DOCK2: variants seen among roughly 807,000 people sequenced by gnomAD.
DOCK2 encodes the protein dedicator of cytokinesis protein 2.
Under a neutral mutation model 248.9 loss-of-function variants are expected in DOCK2, and 87 were observed. The observed-to-expected ratio is 0.35, with a 90% CI of 0.29 to 0.42. The LOEUF (loss-of-function observed/expected upper bound fraction) is 0.42, where lower values mean the gene tolerates loss of function less well. DOCK2 is among the 10% of genes least tolerant of loss of function. The pLI is 1.00. For synonymous variants in DOCK2, 805 were observed against 821.6 expected (o/e 0.98, Z 0.35); for missense variants, 1,747 against 2,300.2 (o/e 0.76, Z 4.92).
chr5:169,948,483 A>G (rs1169620044), intron 27 of DOCK2, among the ~76,000 whole-genome samples: 3 of 151,620 alleles, frequency 2.0e-5, no homozygotes, highest in East Asian at 1.9e-4. Context: ...CTCTCTCTCT[A>G]TCTGTATATC....
intron 22 of DOCK2, among the ~76,000 whole-genome samples, chr5:169,742,325 A>C (rs1318701695): frequency 6.6e-6 from 1 of 152,176 alleles, no homozygotes; most frequent in African/African-American, 2.4e-5. Flanking sequence ...CTTTATGTGC[A>C]TTGTTTGATT....
intron 6 of DOCK2, among the ~76,000 whole-genome samples, chr5:169,675,194 A>G (rs1759263343): frequency 6.6e-6 from 1 of 152,208 alleles, no homozygotes; most frequent in Non-Finnish European, 1.5e-5. Context: ...CAGAATCTGA[A>G]CTTAGACCCA....
intron 27 of DOCK2, among the ~76,000 whole-genome samples, chr5:169,937,888 C>T (rs1776066547): frequency 6.6e-6 from 1 of 152,214 alleles, no homozygotes; most frequent in South Asian, 2.1e-4. Flanking sequence ...TCCCTTTCTC[C>T]ATTCTGCCTT....
intron 27 of DOCK2, among the ~76,000 whole-genome samples, chr5:169,930,001 T>C (rs927933065): frequency 6.6e-6 from 1 of 152,184 alleles, no homozygotes; most frequent in Admixed American, 6.5e-5. Flanking sequence ...ATTTATTTTG[T>C]TTATTTTTGA....
rs1386898292 is a variant in DOCK2 at position 169,907,513 on chromosome 5, A to G, written c.2799+66661A>G. 2.0e-5 allele frequency among the ~76,000 whole-genome samples: 3 copies of G among 152,232 alleles called. No individual in the cohort carries two copies. The East Asian group carries it at 5.8e-4, about 29-fold the overall frequency. ...GTCAAAGTAGTTAATGATAATGGTAACCACCACTTAGCGAAGACTAGTTGC... is the reference window on the plus strand; with the variant it reads ...GTCAAAGTAGTTAATGATAATGGTAGCCACCACTTAGCGAAGACTAGTTGC... On this transcript the variant is annotated intron_variant, in intron 27 of 51. Transcript: ENST00000520908.
At chr5:169,908,754 G>T (rs1314954545) in intron 27 of DOCK2, among the ~76,000 whole-genome samples, 3 of 125,458 alleles carry the variant, frequency 2.4e-5, no homozygotes, top group Admixed American at 1.0e-4. Flanking sequence ...TCACTCTGTC[G>T]CCCAGGATAG....
chr5:169,672,655 T>G (rs548127749), intron 5 of DOCK2, among the ~76,000 whole-genome samples: 9 of 152,250 alleles, frequency 5.9e-5, no homozygotes, highest in Non-Finnish European at 1.3e-4. Flanking sequence ...CTCCATGGGT[T>G]TAAAGCCTCA....
intron 9 of DOCK2, among the ~76,000 whole-genome samples, chr5:169,694,196 G>A (rs1760470366): frequency 6.6e-6 from 1 of 152,206 alleles, no homozygotes; most frequent in Non-Finnish European, 1.5e-5. Context: ...CCTTGGTCCT[G>A]GATCTGATGT....
chr5:169,839,992 A>G (rs775722422), intron 26 of DOCK2, among the ~76,000 whole-genome samples: 24 of 152,230 alleles, frequency 1.6e-4, no homozygotes, highest in Non-Finnish European at 2.8e-4. Context: ...CAAGGATTAG[A>G]AAAGTTAATA....
chr5:169,717,091 T>G (rs1468708936), intron 20 of DOCK2, among the ~76,000 whole-genome samples: 3 of 152,138 alleles, frequency 2.0e-5, no homozygotes, highest in African/African-American at 7.2e-5. Context: ...ACAATGTACA[T>G]AAGTATATTA....
intron 30 of DOCK2, among the ~76,000 whole-genome samples, chr5:170,005,748 T>A (rs982138586): frequency 2.6e-5 from 4 of 152,122 alleles, no homozygotes; most frequent in African/African-American, 9.7e-5. Context: ...AGATTTTTTT[T>A]TAAAAAAAAG....
intron 41 of DOCK2, among the ~76,000 whole-genome samples, chr5:170,052,668 G>T (rs1298892885): frequency 6.6e-6 from 1 of 152,172 alleles, no homozygotes; most frequent in Non-Finnish European, 1.5e-5. Context: ...TGATCTGTCT[G>T]TTTCAAAAAC....
intron 27 of DOCK2, among the ~76,000 whole-genome samples, chr5:169,886,268 G>GT (rs1389997768): frequency 6.6e-6 from 1 of 152,172 alleles, no homozygotes; most frequent in Admixed American, 6.5e-5. Flanking sequence ...GAAGAGCAGG[G>GT]TTGGCTTCTG....
intron 27 of DOCK2, among the ~76,000 whole-genome samples, chr5:169,946,447 G>A (rs564665146): frequency 3.7e-4 from 56 of 152,356 alleles, no homozygotes; most frequent in Middle Eastern, 3.4e-3. Flanking sequence ...TGGGAGGAAA[G>A]GGCAGGAGTG....
Position 169,714,159 on chromosome 5 carries a change from G to C in DOCK2, c.1791G>C (p.Arg597=), listed in dbSNP as rs1761747290. The C allele has an allele frequency of 6.2e-7, 1 of 1,613,550 alleles. No individual in the cohort carries two copies. Among genetic ancestry groups the C allele is most frequent in the African/African-American group, 1.3e-5 (1 of 75,014 alleles). The change falls in exon 18 of 52, where the codon CGG becomes CGC. Residue 597 remains arginine, a synonymous_variant. Transcript: ENST00000520908. ...SSVGGLSVSS[R]DVFSISTLVC... is the part of the protein sequence containing the mutation. The stretch of plus-strand genomic sequence containing the variant: ...TTGGGGGGCTTTCTGTCAGCTCCCG[G>C]GATGTGTTCTCCATTTCCACCCTGG...
At chr5:169,896,289 G>A (rs886571223) in intron 27 of DOCK2, among the ~76,000 whole-genome samples, 43 of 152,284 alleles carry the variant, frequency 2.8e-4, no homozygotes, top group African/African-American at 9.9e-4. Flanking sequence ...CTGAAGTACC[G>A]GGACCCCTTA....
intron 9 of DOCK2, chr5:169,695,490 A>C (rs1278576047): frequency 4.4e-6 from 1 of 224,916 alleles, no homozygotes; most frequent in Non-Finnish European, 8.7e-6. Context: ...TCACCTCGGC[A>C]TATGGGGAAT....
At chr5:169,862,009 G>C (rs1298829108) in intron 27 of DOCK2, among the ~76,000 whole-genome samples, 3 of 151,362 alleles carry the variant, frequency 2.0e-5, no homozygotes, top group Admixed American at 6.6e-5. Flanking sequence ...ATTCAGTTAA[G>C]GGTTCATGTG....
rs192961702 is a variant in DOCK2 at position 169,879,605 on chromosome 5, A to C, written c.2799+38753A>C. On this transcript the variant is annotated intron_variant, in intron 27 of 51. Coordinates refer to ENST00000520908, the MANE Select transcript of DOCK2 (RefSeq NM_004946.3). ...GCTAACCCAACCAGGGGTGTAACTTAATTTAGAATGTTTGCTGGAGATGTT... is the reference window on the plus strand; with the variant it reads ...GCTAACCCAACCAGGGGTGTAACTTCATTTAGAATGTTTGCTGGAGATGTT... 2.8e-4 allele frequency among the ~76,000 whole-genome samples: 42 copies of C among 152,274 alleles called. No homozygotes were observed. The Middle Eastern group carries it at 0.014, about 49-fold the overall frequency.
Sources: allele counts gnomAD v4.1 joint callset (sites outside exome capture counted in the v4.1 genomes callset), GRCh38; gene constraint gnomAD v4.1.1; transcripts MANE v1.5; gene names NCBI Gene and HGNC (gene_info 2026-07-23, HGNC 2026-07-21).